Variants in ICE1 observed in about 807,000 individuals in gnomAD.
ICE1 encodes the protein little elongation complex subunit 1.
A neutral mutation model predicts 192.7 loss-of-function variants in ICE1; 64 were observed. The ratio of observed to expected loss-of-function variants is 0.33; its 90% CI spans 0.27 to 0.41. The LOEUF (loss-of-function observed/expected upper bound fraction) is 0.41. Ranked by LOEUF, ICE1 falls within the 10% of genes least tolerant of loss-of-function variation. The probability of loss-of-function intolerance (pLI) is 1.00; values close to 1 mark genes in which losing one functional copy is unlikely to be tolerated. For synonymous variants in ICE1, 1,010 were observed against 984.5 expected (o/e 1.03, Z -0.49); for missense variants, 2,708 against 2,696.0 (o/e 1.00, Z -0.10).
intron 1 of ICE1, among the ~76,000 whole-genome samples, chr5:5,431,999 A>G (rs1365233797): frequency 1.3e-5 from 2 of 150,116 alleles, no homozygotes; most frequent in African/African-American, 2.5e-5. Context: ...TTTTAACTTT[A>G]TGGTCAAATA....
chr5:5,447,802 T>C, intron 9 of ICE1, 39 bp from the exon 10 acceptor site: 8 of 1,569,874 alleles, frequency 5.1e-6, no homozygotes, highest in Non-Finnish European at 6.9e-6. Context: ...ATTTTTGATA[T>C]GTAGTATTTT....
At chr5:5,488,926 G>C (rs577447908) in intron 18 of ICE1, among the ~76,000 whole-genome samples, 2 of 152,270 alleles carry the variant, frequency 1.3e-5, no homozygotes, top group African/African-American at 2.4e-5. Context: ...TCAGAACACT[G>C]CTGGGGCCAG....
chr5:5,441,675 G>A (rs920246214), intron 5 of ICE1, among the ~76,000 whole-genome samples: 5 of 152,184 alleles, frequency 3.3e-5, no homozygotes, highest in South Asian at 4.1e-4. Context: ...TGAATGAAGC[G>A]TGTAGGGCTT....
Position 5,460,904 on chromosome 5 carries a change from G to A in ICE1, c.1570G>A (p.Ala524Thr). Residue 524 changes from alanine to threonine, a missense_variant, in exon 13 of 19, where the codon GCC (alanine) becomes ACC (threonine). By Grantham distance (58) the Ala-to-Thr change is moderately conservative. Coordinates refer to ENST00000296564, the MANE Select transcript of ICE1 (RefSeq NM_015325.3). ...CAGCCCTGCACAAGAGAAGGAAGCT[G>A]CCCCTGGGAAGTCTGAGTTGTGTTC... The part of the protein sequence containing the change: ...SASPAQEKEA[A>T]PGKSELCSSP... The A allele has an allele frequency of 6.2e-7, 1 of 1,614,016 alleles. No homozygotes were observed. The highest frequency in any genetic ancestry group is 8.5e-7 in the Non-Finnish European group (1 of 1,179,894).
Position 5,461,167 on chromosome 5 carries a change from AGAT to A in ICE1, c.1839_1841del (p.Asp614del). 4 of 1,614,042 alleles carry A rather than the reference AGAT, an allele frequency of 2.5e-6. No individual in the cohort carries two copies. Among genetic ancestry groups the A allele is most frequent in the Middle Eastern group, 1.6e-4 (1 of 6,062 alleles). Reference sequence around the variant, plus strand: ...CTTTAGGAGAATCACCTGAATCAGAAGATGATGACTCAGGTGATGGAATGGATG... The same window carrying A: ...CTTTAGGAGAATCACCTGAATCAGAAGATGACTCAGGTGATGGAATGGATG... On this transcript the variant is annotated inframe_deletion, in exon 13 of 19. Transcript: ENST00000296564.
At chr5:5,448,029 T>C (rs1468827006) in intron 10 of ICE1, 132 bp downstream of exon 10, 5 of 634,448 alleles carry the variant, frequency 7.9e-6, no homozygotes, top group East Asian at 2.8e-5. Context: ...AGAAGTCATA[T>C]ATTATTGTGT....
Position 5,476,025 on chromosome 5 carries a change from G to A in ICE1, c.6466G>A (p.Ala2156Thr). 2.5e-6 allele frequency: 4 copies of A among 1,611,866 alleles called. No homozygotes were observed. The highest frequency in any genetic ancestry group is 3.4e-6 in the Non-Finnish European group (4 of 1,178,696). Residue 2156 changes from alanine (A) to threonine (T), a missense_variant, in exon 17 of 19, where the codon GCA becomes ACA. By Grantham distance (58) the Ala-to-Thr change is moderately conservative. This residue lies in a region of ICE1 where 342 missense variants were observed against 419.3 expected (regional missense o/e 0.82). Coordinates refer to ENST00000296564, the MANE Select transcript of ICE1 (RefSeq NM_015325.3). Reference sequence around the variant, plus strand: ...ATGGATAAAATACAGAAAAGGACATGCAAACATTGCGTATACTCCTGATAT... The same window carrying A: ...ATGGATAAAATACAGAAAAGGACATACAAACATTGCGTATACTCCTGATAT... Reference protein sequence around the residue: ...DKWIKYRKGHANIAYTPDIII... With the variant: ...DKWIKYRKGHTNIAYTPDIII...
rs199583357 is a variant in ICE1, at chr5:5,443,258, A to G, written c.386+14A>G. 3.5e-4 allele frequency: 460 copies of G among 1,330,294 alleles called. 2 individuals carry two copies. The African/African-American group carries it at 6.5e-3, about 19-fold the overall frequency. 82.4% of individuals were successfully genotyped at this position (1,330,294 alleles called of 1,614,324 possible). On this transcript the variant is annotated intron_variant, in intron 6 of 18. Coordinates refer to ENST00000296564, the MANE Select transcript of ICE1 (RefSeq NM_015325.3). ...GAGTGATGCTCAGTAAGTAGTTACT[A>G]AATTACTATAGAAATACGGTTTTCA...
chr5:5,463,992 A>C lies in ICE1; in HGVS notation c.4658A>C (p.Lys1553Thr). ...AAACTAGAGCCATCTGGCAAAAATA[A>C]GAATCGATCAAAGATTTCAAACAAA... ...NSKLEPSGKN[K>T]NRSKISNKDQ... Residue 1553 changes from lysine to threonine, a missense_variant, in exon 13 of 19, where the codon AAG (lysine) becomes ACG (threonine). Lys to Thr is a moderately conservative substitution (Grantham distance 78). Coordinates refer to ENST00000296564, the MANE Select transcript of ICE1 (RefSeq NM_015325.3). 6.2e-7 allele frequency: 1 copy of C among 1,613,838 alleles called. No homozygotes were observed. Among genetic ancestry groups the C allele is most frequent in the Non-Finnish European group, 8.5e-7 (1 of 1,179,842 alleles).
At chr5:5,436,107 G>C (rs2111340592) in intron 1 of ICE1, among the ~76,000 whole-genome samples, 1 of 152,128 alleles carries the variant, frequency 6.6e-6, no homozygotes, top group African/African-American at 2.4e-5. Context: ...AAACAATGCA[G>C]GGTAAAGATT....
chr5:5,462,194 A>G lies in ICE1; in HGVS notation c.2860A>G (p.Asn954Asp). The G allele has an allele frequency of 6.2e-7, 1 of 1,611,766 alleles. No homozygotes were observed. The highest frequency in any genetic ancestry group is 8.5e-7 in the Non-Finnish European group (1 of 1,178,496). ...AGTAGAAAATTCTGATTGTTCCACA[A>G]ATAGCAGATTATCTTTCTCTCCTGA... is the stretch of plus-strand genomic sequence containing the variant. The part of the protein sequence containing the change: ...SPVENSDCST[N>D]SRLSFSPENI... The change falls in exon 13 of 19, where the codon AAT becomes GAT. Residue 954 changes from asparagine (N) to aspartate (D), a missense_variant. Coordinates refer to ENST00000296564, the MANE Select transcript of ICE1 (RefSeq NM_015325.3).
At chr5:5,473,337 G>A (rs1167319062) in intron 15 of ICE1, among the ~76,000 whole-genome samples, 2 of 152,154 alleles carry the variant, frequency 1.3e-5, no homozygotes, top group Non-Finnish European at 2.9e-5. Context: ...ATTGGATCCT[G>A]CATCCTGCCT....
chr5:5,486,710 GT>G lies in ICE1; in HGVS notation c.6521-8del. On this transcript the variant is annotated splice_polypyrimidine_tract_variant and intron_variant, in intron 17 of 18. Transcript: ENST00000296564. ...AACTGGACTGTTTACATTTTGGTTTGTTTCCCCTAGGTCGTTTAGGCCAATT... is the reference window on the plus strand; with the variant it reads ...AACTGGACTGTTTACATTTTGGTTTGTTCCCCTAGGTCGTTTAGGCCAATT... 1 of 1,577,750 alleles carries G rather than the reference GT, an allele frequency of 6.3e-7. No homozygotes were observed. Among genetic ancestry groups the G allele is most frequent in the Non-Finnish European group, 8.6e-7 (1 of 1,158,040 alleles).
chr5:5,443,686 G>A (rs538184538), intron 6 of ICE1, among the ~76,000 whole-genome samples: 2 of 152,268 alleles, frequency 1.3e-5, no homozygotes, highest in African/African-American at 4.8e-5. Context: ...GGGTATCTTT[G>A]CTACTATTCA....
Position 5,422,885 on chromosome 5 carries a change from G to T in ICE1, c.-31G>T, listed in dbSNP as rs1343118263. On this transcript the variant is annotated 5_prime_UTR_variant, in exon 1 of 19. Transcript: ENST00000296564. ...GGCCGACGCCGCGGGCCCCTGAGGC[G>T]TGCGTGCCCACCGGGCCCGGCGGCG... The T allele has an allele frequency of 6.7e-6, 9 of 1,344,406 alleles. No individual in the cohort carries two copies. The East Asian group carries it at 1.6e-4, about 24-fold the overall frequency. The allele number at this position is 1,344,406 out of a possible 1,614,324, so 83.3% of individuals were successfully genotyped here. A position where few individuals can be genotyped will look rare whatever the true frequency, so the allele number is the denominator to read the frequency against.
intron 15 of ICE1, among the ~76,000 whole-genome samples, chr5:5,471,811 C>G (rs574989778): frequency 6.6e-6 from 1 of 152,196 alleles, no homozygotes; most frequent in Non-Finnish European, 1.5e-5. Flanking sequence ...GGGATTCCTG[C>G]TGTAACCATG....
At chr5:5,437,518 C>G (rs1737905941) in intron 3 of ICE1, 1 of 167,872 alleles carries the variant, frequency 6.0e-6, no homozygotes, top group South Asian at 1.6e-4. Flanking sequence ...AATTGACTTT[C>G]ATTAATTATT....
At position 5,464,448 on chromosome 5, in the gene ICE1, C is replaced by A. The variant is rs768505232; in HGVS notation, c.5114C>A (p.Ala1705Asp). 6.2e-7 allele frequency: 1 copy of A among 1,613,940 alleles called. No individual in the cohort carries two copies. The highest frequency in any genetic ancestry group is 1.1e-5 in the South Asian group (1 of 91,076). Residue 1705 changes from alanine (A) to aspartate (D), a missense_variant, in exon 13 of 19, where the codon GCC becomes GAC. Transcript: ENST00000296564. The surrounding 1 kb of genome is among the most constrained non-coding windows in gnomAD (Gnocchi z 4.0). ...TCTCCATCTCCATCTGCAGCTTCAG[C>A]CAGTGAGAGGGTAGTGCCGTCTCCT... ...DPSPSPSAAS[A>D]SERVVPSPLQ...
At chr5:5,451,100 C>T (rs1158013166) in intron 10 of ICE1, among the ~76,000 whole-genome samples, 3 of 152,038 alleles carry the variant, frequency 2.0e-5, no homozygotes, top group Non-Finnish European at 4.4e-5. Flanking sequence ...AAAAATCCCC[C>T]TCCCTCTGCA....
Sources: allele counts gnomAD v4.1 joint callset (sites outside exome capture counted in the v4.1 genomes callset), GRCh38; gene constraint gnomAD v4.1.1; regional missense constraint gnomAD v4.1.1; non-coding constraint Gnocchi (gnomAD v3.1); transcripts MANE v1.5; gene names NCBI Gene and HGNC (gene_info 2026-07-23, HGNC 2026-07-21).